Variants in KNTC1 observed in about 807,000 individuals in gnomAD.
KNTC1 encodes kinetochore associated 1, also known as kinetochore-associated protein 1.
A neutral mutation model predicts 314.4 loss-of-function variants in KNTC1; 253 were observed. The observed-to-expected ratio is 0.80, with a 90% CI of 0.73 to 0.89. The LOEUF (loss-of-function observed/expected upper bound fraction) is 0.89, where lower values mean the gene tolerates loss of function less well. Ranked by LOEUF, KNTC1 falls within the 40% of genes least tolerant of loss-of-function variation. The pLI is 0.00. For synonymous variants in KNTC1, 901 were observed against 901.4 expected (o/e 1.00, Z 0.01); for missense variants, 2,475 against 2,572.9 (o/e 0.96, Z 0.82).
At chr12:122,601,311 T>C (rs1871859840) in intron 44 of KNTC1, among the ~76,000 whole-genome samples, 1 of 152,022 alleles carries the variant, frequency 6.6e-6, no homozygotes, top group Non-Finnish European at 1.5e-5. Context: ...GGTCTCGATC[T>C]CCTGACCTCG....
chr12:122,549,980 G>A, intron 13 of KNTC1, 116 bp downstream of exon 13: 1 of 582,474 alleles, frequency 1.7e-6, no homozygotes, highest in African/African-American at 1.9e-5. Flanking sequence ...GAACCTAGTG[G>A]AAACCTGGAT....
Position 122,624,646 on chromosome 12 carries a change from G to A in KNTC1, c.6564G>A (p.Gly2188=). 1 of 1,613,580 alleles carries A rather than the reference G, an allele frequency of 6.2e-7. No individual in the cohort carries two copies. The highest frequency in any genetic ancestry group is 8.5e-7 in the Non-Finnish European group (1 of 1,179,608). Residue 2188 remains glycine (G), a synonymous_variant, in exon 63 of 64, where the codon GGG becomes GGA. Coordinates refer to ENST00000333479, the MANE Select transcript of KNTC1 (RefSeq NM_014708.6). ...TAACTGAATATTCAAAGCACTGCGG[G>A]AAACCTGTGCCTCCAGACACTGCTC... The part of the protein sequence containing the change: ...VLITEYSKHC[G]KPVPPDTAPC...
chr12:122,561,729 C>T (rs572988602), intron 18 of KNTC1, among the ~76,000 whole-genome samples, 192 bp from the exon 19 acceptor site: 2 of 152,248 alleles, frequency 1.3e-5, no homozygotes, highest in Non-Finnish European at 2.9e-5. Flanking sequence ...GCTAGGATTA[C>T]AGGCGTGAGC....
Position 122,602,758 on chromosome 12 carries a change from T to C in KNTC1, c.4825+18T>C. On this transcript the variant is annotated intron_variant, in intron 46 of 63. Coordinates refer to ENST00000333479, the MANE Select transcript of KNTC1 (RefSeq NM_014708.6). ...AATTCTCTGTATGTGTTCATTAACTTTTTATGAATTTTACTGGATAGCCAA... is the reference window on the plus strand; with the variant it reads ...AATTCTCTGTATGTGTTCATTAACTCTTTATGAATTTTACTGGATAGCCAA... 6 of 1,612,298 alleles carry C rather than the reference T, an allele frequency of 3.7e-6. No individual in the cohort carries two copies. Among genetic ancestry groups the C allele is most frequent in the Non-Finnish European group, 5.1e-6 (6 of 1,178,984 alleles).
At chr12:122,549,169 C>T (rs903455160) in intron 12 of KNTC1, among the ~76,000 whole-genome samples, 1 of 151,974 alleles carries the variant, frequency 6.6e-6, no homozygotes, top group African/African-American at 2.4e-5. Flanking sequence ...AATTCTGCCT[C>T]AGCCTCCCAA....
intron 26 of KNTC1, 138 bp downstream of exon 26, chr12:122,573,423 G>A (rs1229823270): frequency 2.2e-5 from 18 of 807,440 alleles, no homozygotes; most frequent in South Asian, 3.7e-5. Flanking sequence ...TAAAAATGTG[G>A]GTTAATTCTG....
chr12:122,580,606 A>G lies in KNTC1; in HGVS notation c.2918A>G (p.Asn973Ser). ...ACTTTTAAAAATTTAATTACAGACAATCTGCAGAAGAAGGACGAATGTGAA... is the reference window on the plus strand; with the variant it reads ...ACTTTTAAAAATTTAATTACAGACAGTCTGCAGAAGAAGGACGAATGTGAA... ...LKILCDIQKDNLQKKDECEEM... is the reference protein window; with the variant it reads ...LKILCDIQKDSLQKKDECEEM... The change falls in exon 33 of 64, where the codon AAT becomes AGT. Residue 973 changes from asparagine (N) to serine (S), a missense_variant. Asn to Ser is a conservative substitution (Grantham distance 46). Transcript: ENST00000333479. 2.6e-6 allele frequency: 4 copies of G among 1,554,438 alleles called. No individual in the cohort carries two copies. In the South Asian group the frequency reaches 3.6e-5, roughly 14 times the overall value.
rs1393744703 is a variant in KNTC1, at chr12:122,613,104, T to A, written c.5623-8T>A. Reference sequence around the variant, plus strand: ...GTTCAACTCTCCAAACCTCTTTTGGTTTTTCAGACATTAGGTATGCATCAG... The same window carrying A: ...GTTCAACTCTCCAAACCTCTTTTGGATTTTCAGACATTAGGTATGCATCAG... On this transcript the variant is annotated splice_region_variant and splice_polypyrimidine_tract_variant and intron_variant, in intron 53 of 63. Transcript: ENST00000333479. 6.4e-7 allele frequency: 1 copy of A among 1,574,088 alleles called. No individual in the cohort carries two copies. The highest frequency in any genetic ancestry group is 8.7e-7 in the Non-Finnish European group (1 of 1,147,142).
At chr12:122,612,420 CTTT>C (rs754162815) in intron 53 of KNTC1, among the ~76,000 whole-genome samples, 1 of 88,682 alleles carries the variant, frequency 1.1e-5, no homozygotes. Context: ...TTTTCTTTTT[CTTT>C]TTTTTTTTTT....
chr12:122,577,180 C>A (rs1965088631), intron 30 of KNTC1, among the ~76,000 whole-genome samples, 151 bp downstream of exon 30: 1 of 152,096 alleles, frequency 6.6e-6, no homozygotes, highest in Admixed American at 6.6e-5. Context: ...AAACTCTCAA[C>A]CTGAAGTAAT....
At chr12:122,571,156 G>T (rs765663398) in intron 24 of KNTC1, 30 bp downstream of exon 24, 2 of 1,492,434 alleles carry the variant, frequency 1.3e-6, no homozygotes, top group Non-Finnish European at 1.9e-6. Flanking sequence ...TTTTAGTAAT[G>T]AAACAGTCAG....
intron 10 of KNTC1, 112 bp from the exon 11 acceptor site, chr12:122,547,303 A>T (rs951177783): frequency 6.6e-6 from 4 of 608,308 alleles, no homozygotes; most frequent in East Asian, 6.2e-5. Context: ...TGAACCTGGG[A>T]GGTGGAGGTT....
chr12:122,577,290 A>C (rs982799738), intron 30 of KNTC1, among the ~76,000 whole-genome samples: 2 of 152,090 alleles, frequency 1.3e-5, no homozygotes, highest in African/African-American at 2.4e-5. Context: ...ATGATTCTAT[A>C]ATCATAGCAA....
intron 55 of KNTC1, 129 bp downstream of exon 55, chr12:122,613,890 G>A (rs1873462036): frequency 1.1e-6 from 1 of 918,146 alleles, no homozygotes; most frequent in Non-Finnish European, 1.5e-6. Flanking sequence ...GCCCAGGCTG[G>A]AGTACAGTGG....
chr12:122,615,009 G>A lies in KNTC1; in HGVS notation c.5896G>A (p.Glu1966Lys). ...GCTTCAGGCAGTAAGATTGGTGACT[G>A]AGCTGTGTTTAGAATACAAAATCTA... ...HESMAVRLVTELCLEYKIYDL... is the reference protein window; with the variant it reads ...HESMAVRLVTKLCLEYKIYDL... The change falls in exon 56 of 64, where the codon GAG (glutamate) becomes AAG (lysine). Residue 1966 changes from glutamate (E) to lysine (K), a missense_variant. By Grantham distance (56) the Glu-to-Lys change is moderately conservative. Coordinates refer to ENST00000333479, the MANE Select transcript of KNTC1 (RefSeq NM_014708.6). 6.2e-7 allele frequency: 1 copy of A among 1,613,208 alleles called. No homozygotes were observed. Among genetic ancestry groups the A allele is most frequent in the Non-Finnish European group, 8.5e-7 (1 of 1,179,488 alleles).
Position 122,575,839 on chromosome 12 carries a change from GA to G in KNTC1, c.2532del (p.Lys844AsnfsTer8), listed in dbSNP as rs764634534. On this transcript the variant is annotated frameshift_variant, in exon 29 of 64. Transcript: ENST00000333479. LOFTEE classifies it high-confidence loss of function. ...LQESYKLMEMKKLLRGYGIRE... is the reference protein window; with the variant it reads ...LQESYKLMEMXKLLRGYGIRE... The stretch of plus-strand genomic sequence containing the variant: ...AGGAAAGTTACAAACTAATGGAGAT[GA>G]AAAAACTTTTACGAGGCTATGGAAT... 3.7e-6 allele frequency: 6 copies of G among 1,613,140 alleles called. No individual in the cohort carries two copies. In the East Asian group the frequency reaches 1.1e-4, roughly 30 times the overall value.
intron 44 of KNTC1, among the ~76,000 whole-genome samples, chr12:122,601,125 C>T (rs1871824401): frequency 6.6e-6 from 1 of 151,956 alleles, no homozygotes; most frequent in African/African-American, 2.4e-5. Context: ...CTCTGTCACC[C>T]AGGCTGGAGT....
At chr12:122,546,747 C>T (rs1962798945) in intron 10 of KNTC1, 73 bp downstream of exon 10, 2 of 1,011,386 alleles carry the variant, frequency 2.0e-6, no homozygotes, top group Non-Finnish European at 3.0e-6. Context: ...CTTACAAAGG[C>T]AAGGGTTTTA....
At chr12:122,568,703 G>C (rs998992720) in intron 21 of KNTC1, among the ~76,000 whole-genome samples, 1 of 152,078 alleles carries the variant, frequency 6.6e-6, no homozygotes, top group African/African-American at 2.4e-5. Context: ...GGGCATGGTG[G>C]CACGTTCCTG....
Sources: allele counts gnomAD v4.1 joint callset (sites outside exome capture counted in the v4.1 genomes callset), GRCh38; gene constraint gnomAD v4.1.1; transcripts MANE v1.5; gene names NCBI Gene and HGNC (gene_info 2026-07-23, HGNC 2026-07-21).